Variants in VWC2 observed in about 807,000 individuals in gnomAD.
VWC2 encodes brorin.
A neutral mutation model predicts 29.8 loss-of-function variants in VWC2; 14 were observed. The observed-to-expected ratio is 0.47, with a 90% CI of 0.31 to 0.74. The LOEUF (loss-of-function observed/expected upper bound fraction) is 0.74, where lower values mean the gene tolerates loss of function less well. Ranked by LOEUF, VWC2 falls within the 30% of genes least tolerant of loss-of-function variation. VWC2 has a pLI of 0.05. For synonymous variants in VWC2, 213 were observed against 199.0 expected (o/e 1.07, Z -0.59); for missense variants, 457 against 459.8 (o/e 0.99, Z 0.05).
intron 3 of VWC2, among the ~76,000 whole-genome samples, chr7:49,911,255 G>A (rs1157433791): frequency 6.6e-5 from 10 of 152,048 alleles, no homozygotes; most frequent in South Asian, 2.1e-4. Context: ...AGGCCAAGGC[G>A]GGCAGATCAC....
intron 2 of VWC2, among the ~76,000 whole-genome samples, chr7:49,789,168 T>G (rs1788396347): frequency 6.7e-6 from 1 of 148,234 alleles, no homozygotes; most frequent in African/African-American, 2.5e-5. Context: ...GCTGTATGTG[T>G]GTGTTAGCAT....
intron 2 of VWC2, among the ~76,000 whole-genome samples, chr7:49,784,745 A>G (rs1444189886): frequency 1.3e-5 from 2 of 152,238 alleles, no homozygotes; most frequent in African/African-American, 2.4e-5. Flanking sequence ...TGTGGTCTGC[A>G]AAGTCCAAAT....
intron 3 of VWC2, among the ~76,000 whole-genome samples, chr7:49,806,172 A>G (rs1194481706): frequency 6.6e-6 from 1 of 151,810 alleles, no homozygotes; most frequent in Non-Finnish European, 1.5e-5. Context: ...TGATAGGTGC[A>G]CAGCACCCAT....
intron 2 of VWC2, among the ~76,000 whole-genome samples, chr7:49,791,845 T>A (rs1448659029): frequency 6.6e-6 from 1 of 152,188 alleles, no homozygotes; most frequent in Admixed American, 6.5e-5. Flanking sequence ...TCTGTAAAAA[T>A]CAAGCTCAAG....
chr7:49,879,129 T>C (rs1791567514), intron 3 of VWC2, among the ~76,000 whole-genome samples: 1 of 152,192 alleles, frequency 6.6e-6, no homozygotes, highest in Non-Finnish European at 1.5e-5. Context: ...CTCCACTGCC[T>C]TCTTAATGTC....
At chr7:49,902,771 T>C (rs1792839164) in intron 3 of VWC2, among the ~76,000 whole-genome samples, 1 of 152,106 alleles carries the variant, frequency 6.6e-6, no homozygotes, top group Non-Finnish European at 1.5e-5. Flanking sequence ...CGCATTGAAA[T>C]ATAAAATTTT....
chr7:49,775,263 G>T, intron 1 of VWC2, 70 bp from the exon 2 acceptor site: 1 of 317,316 alleles, frequency 3.2e-6, no homozygotes, highest in Non-Finnish European at 5.5e-6. Flanking sequence ...CCGGAGCCCG[G>T]GTGGGGGCCG....
intron 3 of VWC2, among the ~76,000 whole-genome samples, chr7:49,883,976 C>T (rs1791789052): frequency 6.6e-6 from 1 of 152,236 alleles, no homozygotes; most frequent in Admixed American, 6.5e-5. Flanking sequence ...GTGGAGAAAG[C>T]ATTTCTTCCT....
chr7:49,794,476 A>G (rs1183839738), intron 2 of VWC2, among the ~76,000 whole-genome samples: 2 of 152,210 alleles, frequency 1.3e-5, no homozygotes, highest in African/African-American at 4.8e-5. Flanking sequence ...TGTTAGCTGC[A>G]CTGTCTTTGG....
At chr7:49,861,977 T>C (rs1479263306) in intron 3 of VWC2, among the ~76,000 whole-genome samples, 2 of 152,350 alleles carry the variant, frequency 1.3e-5, no homozygotes, top group East Asian at 1.9e-4. Flanking sequence ...TGCAATTCCA[T>C]ATGAATTTTA....
chr7:49,873,168 C>T (rs1451557609), intron 3 of VWC2, among the ~76,000 whole-genome samples: 2 of 152,100 alleles, frequency 1.3e-5, no homozygotes, highest in Non-Finnish European at 2.9e-5. Context: ...AACAATTTGT[C>T]TTGGTCTGTT....
intron 3 of VWC2, among the ~76,000 whole-genome samples, chr7:49,904,251 A>T (rs749658407): frequency 2.0e-5 from 3 of 152,108 alleles, no homozygotes; most frequent in Admixed American, 6.5e-5. Context: ...GAAAAGCTTT[A>T]CCGAGGACTC....
chr7:49,865,853 G>A (rs897140138), intron 3 of VWC2, among the ~76,000 whole-genome samples: 2 of 152,132 alleles, frequency 1.3e-5, no homozygotes, highest in African/African-American at 2.4e-5. Context: ...CTCAAAGTCC[G>A]GATGTCTCTC....
chr7:49,911,074 T>C (rs1793391536), intron 3 of VWC2, among the ~76,000 whole-genome samples: 1 of 152,236 alleles, frequency 6.6e-6, no homozygotes. Context: ...ACTGGTTCTT[T>C]GAAGGTCTTA....
chr7:49,854,159 G>A (rs1372487308), intron 3 of VWC2, among the ~76,000 whole-genome samples: 2 of 152,094 alleles, frequency 1.3e-5, no homozygotes, highest in African/African-American at 4.8e-5. Flanking sequence ...ATTGTGAATA[G>A]TGCCGCAATA....
chr7:49,797,994 A>G (rs1427030827), intron 2 of VWC2, among the ~76,000 whole-genome samples: 1 of 152,246 alleles, frequency 6.6e-6, no homozygotes, highest in Admixed American at 6.5e-5. Flanking sequence ...GGTTGTCCCT[A>G]GTTAAGTTTC....
intron 1 of VWC2, 31 bp from the exon 2 acceptor site, chr7:49,775,302 G>T: frequency 1.8e-6 from 1 of 555,368 alleles, no homozygotes; most frequent in Non-Finnish European, 2.6e-6. Flanking sequence ...GCGGGCCGCG[G>T]GGCTCAGTTG....
intron 3 of VWC2, among the ~76,000 whole-genome samples, chr7:49,829,498 TC>T (rs1789477983): frequency 1.3e-5 from 2 of 152,346 alleles, no homozygotes; most frequent in Admixed American, 6.5e-5. Context: ...ATCTGGGCAT[TC>T]ATGCCCTTCC....
chr7:49,889,836 A>G (rs938730251), intron 3 of VWC2, among the ~76,000 whole-genome samples: 3 of 152,210 alleles, frequency 2.0e-5, no homozygotes, highest in African/African-American at 7.2e-5. Flanking sequence ...TAGGTGCCCC[A>G]GTATGCCGTC....
Sources: gnomAD v4.1 joint callset for allele counts (sites outside exome capture counted in the v4.1 genomes callset) on GRCh38, gnomAD v4.1.1 for gene constraint, MANE v1.5 for transcripts, NCBI Gene and HGNC (gene_info 2026-07-23, HGNC 2026-07-21) for gene names.